The following NKAIN2 variants were observed in gnomAD, a reference collection of about 807,000 sequenced individuals.
NKAIN2 encodes the protein sodium/potassium transporting ATPase interacting 2.
In NKAIN2, 14 loss-of-function variants were observed where a neutral mutation model predicts 32.6. The observed-to-expected ratio is 0.43, with a 90% CI of 0.28 to 0.67. NKAIN2 has a LOEUF of 0.67. NKAIN2 is among the 30% of genes least tolerant of loss of function. The pLI is 0.17. For synonymous variants in NKAIN2, 80 were observed against 87.2 expected (o/e 0.92, Z 0.46); for missense variants, 198 against 258.3 (o/e 0.77, Z 1.60).
At chr6:123,951,381 A>G (rs1314432548) in intron 1 of NKAIN2, among the ~76,000 whole-genome samples, 1 of 151,956 alleles carries the variant, frequency 6.6e-6, no homozygotes, top group East Asian at 1.9e-4. Context: ...TTATTATTGT[A>G]TTAGAGTTTC....
At chr6:124,477,734 C>T (rs1211848884) in intron 3 of NKAIN2, among the ~76,000 whole-genome samples, 1 of 59,072 alleles carries the variant, frequency 1.7e-5, no homozygotes, top group Non-Finnish European at 3.6e-5. Context: ...TTCCCCCTCC[C>T]TCTCCTTCCC....
rs532728627 is a variant in NKAIN2, at chr6:123,932,750, G to C, written c.54+128496G>C. Among the ~76,000 whole-genome samples, 67 of 146,886 alleles carry C rather than the reference G, an allele frequency of 4.6e-4. 2 individuals carry two copies. In the South Asian group the frequency reaches 9.1e-3, roughly 20 times the overall value. Reference sequence around the variant, plus strand: ...TTGATAGCATTGTTAGCCAGTCATCGAGGTTTTAACGTTTGGGGACTTTTT... The same window carrying C: ...TTGATAGCATTGTTAGCCAGTCATCCAGGTTTTAACGTTTGGGGACTTTTT... On this transcript the variant is annotated intron_variant, in intron 1 of 6. Coordinates refer to ENST00000368417, the MANE Select transcript of NKAIN2 (RefSeq NM_001040214.3).
At chr6:123,950,588 A>G (rs1777280303) in intron 1 of NKAIN2, among the ~76,000 whole-genome samples, 1 of 94,538 alleles carries the variant, frequency 1.1e-5, no homozygotes, top group African/African-American at 5.1e-5. Context: ...GTCACTGTGT[A>G]GTTGTTTATA....
chr6:124,561,604 C>G (rs1052730958), intron 3 of NKAIN2, among the ~76,000 whole-genome samples: 32 of 152,174 alleles, frequency 2.1e-4, no homozygotes, highest in African/African-American at 7.7e-4. Flanking sequence ...TGTTTTCTTT[C>G]CTTTTCTTCT....
intron 3 of NKAIN2, among the ~76,000 whole-genome samples, chr6:124,458,176 A>G (rs1776395070): frequency 6.6e-6 from 1 of 152,002 alleles, no homozygotes. Context: ...AAAGTAAAGT[A>G]TTGAAATATT....
intron 4 of NKAIN2, among the ~76,000 whole-genome samples, chr6:124,687,404 T>C (rs1464592863): frequency 1.6e-5 from 2 of 122,666 alleles, no homozygotes; most frequent in Non-Finnish European, 3.4e-5. Context: ...TGTATGTGTA[T>C]GTATGGAATA....
At chr6:124,415,878 CTTTTTTT>C in intron 3 of NKAIN2, among the ~76,000 whole-genome samples, 1 of 72,590 alleles carries the variant, frequency 1.4e-5, no homozygotes, top group East Asian at 5.1e-4. Flanking sequence ...TTTTTATTTG[CTTTTTTT>C]TTTTTTTTTT....
At chr6:123,831,954 T>A (rs1044618771) in intron 1 of NKAIN2, among the ~76,000 whole-genome samples, 6 of 152,178 alleles carry the variant, frequency 3.9e-5, no homozygotes, top group African/African-American at 1.4e-4. Flanking sequence ...ATGCCTGGCC[T>A]ATAGTTGTTG....
Position 123,804,233 on chromosome 6 carries a change from C to T in NKAIN2, c.33C>T (p.Ile11=). Residue 11 remains isoleucine (I), a synonymous_variant, in exon 1 of 7, where the codon ATC becomes ATT. Transcript: ENST00000368417. The stretch of plus-strand genomic sequence containing the variant: ...ATTGCAGTGGCAGGTGCACGCTTAT[C>T]TTTATCTGTGGCATGCAACTGGTAA... MGYCSGRCTL[I]FICGMQLVCV... 1 of 1,613,948 alleles carries T rather than the reference C, an allele frequency of 6.2e-7. No individual in the cohort carries two copies. Among genetic ancestry groups the T allele is most frequent in the Non-Finnish European group, 8.5e-7 (1 of 1,179,902 alleles).
Position 124,305,071 on chromosome 6 carries a change from G to A in NKAIN2, c.192+21929G>A, listed in dbSNP as rs570731362. Among the ~76,000 whole-genome samples the A allele has an allele frequency of 5.9e-5, 9 of 152,186 alleles. No homozygotes were observed. In the East Asian group the frequency reaches 9.7e-4, roughly 16 times the overall value. ...GTACACATTTAAAAAAATTAGCTAC[G>A]AAAGAATGAAAAATGGGTAGTGGTA... On this transcript the variant is annotated intron_variant, in intron 2 of 6. Coordinates refer to ENST00000368417, the MANE Select transcript of NKAIN2 (RefSeq NM_001040214.3).
At chr6:124,660,791 G>A (rs1583600003) in intron 4 of NKAIN2, among the ~76,000 whole-genome samples, 1 of 152,142 alleles carries the variant, frequency 6.6e-6, no homozygotes, top group African/African-American at 2.4e-5. Flanking sequence ...CTCTTATCTA[G>A]CCAGCTTTGG....
chr6:124,822,242 C>A (rs890823698), intron 6 of NKAIN2, among the ~76,000 whole-genome samples: 2 of 152,096 alleles, frequency 1.3e-5, no homozygotes, highest in African/African-American at 4.8e-5. Flanking sequence ...CACCTATAAA[C>A]CTCATCCCCT....
intron 2 of NKAIN2, among the ~76,000 whole-genome samples, chr6:124,292,240 G>A (rs1467788346): frequency 6.6e-6 from 1 of 152,048 alleles, no homozygotes; most frequent in Non-Finnish European, 1.5e-5. Context: ...TCCAGAGCAT[G>A]CAAAATTCTC....
intron 5 of NKAIN2, among the ~76,000 whole-genome samples, chr6:124,807,421 A>C (rs1372843520): frequency 1.3e-5 from 2 of 151,698 alleles, no homozygotes; most frequent in African/African-American, 4.8e-5. Flanking sequence ...GGCAGAAATA[A>C]AGATGTTCTT....
chr6:124,192,741 GTTTTTTTTTTTT>G (rs1205303294), intron 1 of NKAIN2, among the ~76,000 whole-genome samples: 2 of 77,186 alleles, frequency 2.6e-5, no homozygotes, highest in African/African-American at 5.6e-5. Context: ...AGTTCCATCC[GTTTTTTTTTTTT>G]TTTTTTTTTT....
intron 3 of NKAIN2, among the ~76,000 whole-genome samples, chr6:124,457,594 T>C (rs191916238): frequency 6.6e-6 from 1 of 152,110 alleles, no homozygotes; most frequent in Admixed American, 6.6e-5. Context: ...TTTTCTTCTC[T>C]AATGTTCTGG....
intron 3 of NKAIN2, among the ~76,000 whole-genome samples, chr6:124,411,876 C>A (rs1005301061): frequency 2.0e-5 from 3 of 152,112 alleles, no homozygotes; most frequent in African/African-American, 4.8e-5. Flanking sequence ...AGGCTTTGTT[C>A]ATTTCTTTTT....
intron 4 of NKAIN2, among the ~76,000 whole-genome samples, chr6:124,777,913 TACTC>T (rs1339775688): frequency 6.6e-6 from 1 of 151,750 alleles, no homozygotes; most frequent in Non-Finnish European, 1.5e-5. Context: ...TGTCATTTCT[TACTC>T]AGTATTTCTT....
At chr6:124,735,313 G>A (rs1776882024) in intron 4 of NKAIN2, among the ~76,000 whole-genome samples, 1 of 151,764 alleles carries the variant, frequency 6.6e-6, no homozygotes, top group Non-Finnish European at 1.5e-5. Flanking sequence ...CTCTACCCCA[G>A]TATTTTCAAC....
Sources: allele counts gnomAD v4.1 joint callset (sites outside exome capture counted in the v4.1 genomes callset), GRCh38; gene constraint gnomAD v4.1.1; transcripts MANE v1.5; gene names NCBI Gene and HGNC (gene_info 2026-07-23, HGNC 2026-07-21).